PLXNA4: variants seen among roughly 807,000 people sequenced by gnomAD.
PLXNA4 encodes plexin A4, also known as plexin-A4.
PLXNA4 carries 44 observed loss-of-function variants against 191.8 expected under a neutral mutation model. The observed-to-expected ratio is 0.23, with a 90% CI of 0.18 to 0.29. The LOEUF (loss-of-function observed/expected upper bound fraction) is 0.29. Among genes scored for constraint, PLXNA4 ranks in the 10% least tolerant of loss-of-function variants. The pLI, the probability that PLXNA4 is intolerant of heterozygous loss-of-function variation, is 1.00. For missense variants in PLXNA4, 1,800 were observed against 2,488.8 expected (o/e 0.72, Z 5.89); for synonymous variants, 1,082 against 1,009.5 (o/e 1.07, Z -1.36).
chr7:132,608,180 T>TCACCATCAC (rs1802977534), intron 2 of PLXNA4, among the ~76,000 whole-genome samples: 6 of 152,132 alleles, frequency 3.9e-5, no homozygotes, highest in African/African-American at 1.4e-4. Context: ...CTCATCACTA[T>TCACCATCAC]CACCATCACC....
chr7:132,197,125 TC>T (rs1439744049), intron 13 of PLXNA4, among the ~76,000 whole-genome samples: 1 of 152,216 alleles, frequency 6.6e-6, no homozygotes, highest in Non-Finnish European at 1.5e-5. Context: ...TCGCACAAGT[TC>T]CCCTTCTTGA....
chr7:132,337,576 T>C (rs1039444274), intron 3 of PLXNA4, among the ~76,000 whole-genome samples: 2 of 152,330 alleles, frequency 1.3e-5, no homozygotes, highest in African/African-American at 4.8e-5. Flanking sequence ...TGCAGCACAT[T>C]AAGCCCATTT....
chr7:132,362,261 T>A (rs1167461370), intron 3 of PLXNA4, among the ~76,000 whole-genome samples: 1 of 152,134 alleles, frequency 6.6e-6, no homozygotes, highest in Non-Finnish European at 1.5e-5. Context: ...CAGGGAGGGA[T>A]CCTATTGATG....
chr7:132,591,109 G>A (rs1563188732), intron 2 of PLXNA4, among the ~76,000 whole-genome samples: 3 of 152,148 alleles, frequency 2.0e-5, no homozygotes, highest in South Asian at 2.1e-4. Flanking sequence ...AGGAGGCATG[G>A]GATCACTAAC....
chr7:132,274,584 T>A (rs1464660932), intron 4 of PLXNA4, among the ~76,000 whole-genome samples: 1 of 152,156 alleles, frequency 6.6e-6, no homozygotes, highest in Non-Finnish European at 1.5e-5. Context: ...ATCTCTCATT[T>A]CTACCAAGTC....
intron 3 of PLXNA4, among the ~76,000 whole-genome samples, chr7:132,427,222 C>T (rs1322323189): frequency 6.6e-6 from 1 of 152,218 alleles, no homozygotes; most frequent in African/African-American, 2.4e-5. Flanking sequence ...TCACCCCAGA[C>T]CTTAAAGCCT....
chr7:132,647,538 C>T (rs890307186), intron 1 of PLXNA4, among the ~76,000 whole-genome samples: 23 of 151,904 alleles, frequency 1.5e-4, no homozygotes, highest in Non-Finnish European at 1.5e-4. Context: ...CATATACACA[C>T]GTACACTCAC....
chr7:132,420,234 C>T (rs571773962), intron 3 of PLXNA4, among the ~76,000 whole-genome samples: 36 of 152,370 alleles, frequency 2.4e-4, no homozygotes, highest in African/African-American at 8.7e-4. Flanking sequence ...TTCCCCTGAA[C>T]TGTGTCCTCC....
chr7:132,230,629 C>T lies in PLXNA4; in HGVS notation c.1605-2160G>A, dbSNP rs878909954. Among the ~76,000 whole-genome samples the T allele has an allele frequency of 3.9e-5, 6 of 152,270 alleles. No individual in the cohort carries two copies. The South Asian group carries it at 6.2e-4, about 16-fold the overall frequency. On this transcript the variant is annotated intron_variant, in intron 5 of 31. Transcript: ENST00000321063. ...TTAATTTACCAGGCCAGCTCCTCTG[C>T]GAGGACTCCATTACCTTCAGCCATT...
chr7:132,224,088 C>T (rs1412941684), intron 8 of PLXNA4, among the ~76,000 whole-genome samples: 2 of 152,190 alleles, frequency 1.3e-5, no homozygotes, highest in African/African-American at 4.8e-5. Context: ...TGCTGTCTCA[C>T]TACGATGGCT....
intron 1 of PLXNA4, among the ~76,000 whole-genome samples, chr7:132,537,029 C>G (rs934844493): frequency 6.6e-6 from 1 of 152,156 alleles, no homozygotes; most frequent in African/African-American, 2.4e-5. Flanking sequence ...TAGAGAAGTC[C>G]GGGAAGCCTT....
At chr7:132,432,845 A>C (rs1218850391) in intron 3 of PLXNA4, among the ~76,000 whole-genome samples, 1 of 152,218 alleles carries the variant, frequency 6.6e-6, no homozygotes, top group African/African-American at 2.4e-5. Flanking sequence ...ACACCACTAG[A>C]AATGACATTG....
chr7:132,304,997 C>T (rs1381786491), intron 3 of PLXNA4, among the ~76,000 whole-genome samples: 1 of 152,210 alleles, frequency 6.6e-6, no homozygotes, highest in Admixed American at 6.5e-5. Context: ...CATGCCTTCT[C>T]TTCCCACACT....
At position 132,508,794 on chromosome 7, in the gene PLXNA4, G is replaced by A. The variant is rs1259507671; in HGVS notation, c.-86-15C>T. The stretch of plus-strand genomic sequence containing the variant: ...AGTCTCCCCTACTGGAGAAAGGGAA[G>A]ACAATGAGCTGGATAACAATGCCAG... On this transcript the variant is annotated splice_polypyrimidine_tract_variant and intron_variant, in intron 1 of 31. Coordinates refer to ENST00000321063, the MANE Select transcript of PLXNA4 (RefSeq NM_020911.2). This position sits in a 1 kb window ranked among gnomAD's most constrained non-coding sequence, Gnocchi z 4.4. 6.3e-6 allele frequency: 9 copies of A among 1,435,808 alleles called. No individual in the cohort carries two copies. The East Asian group carries it at 7.5e-5, about 12-fold the overall frequency. The allele number at this position is 1,435,808 out of a possible 1,614,324, so 88.9% of individuals were successfully genotyped here. A position where few individuals can be genotyped will look rare whatever the true frequency, so the allele number is the denominator to read the frequency against.
intron 3 of PLXNA4, among the ~76,000 whole-genome samples, chr7:132,306,227 C>T (rs1437180543): frequency 6.6e-6 from 1 of 152,148 alleles, no homozygotes; most frequent in Non-Finnish European, 1.5e-5. Flanking sequence ...GGAAGGAGAT[C>T]CCTTGCAACA....
At chr7:132,647,471 A>C (rs1803897938) in intron 1 of PLXNA4, among the ~76,000 whole-genome samples, 1 of 152,116 alleles carries the variant, frequency 6.6e-6, no homozygotes, top group South Asian at 2.1e-4. Context: ...AGTCACACAT[A>C]TACTCACATG....
rs537424391 is a variant in PLXNA4 at position 132,320,258 on chromosome 7, G to T, written c.1372-22036C>A. Among the ~76,000 whole-genome samples, 5 of 152,330 alleles carry T rather than the reference G, an allele frequency of 3.3e-5. No homozygotes were observed. In the South Asian group the frequency reaches 1.0e-3, roughly 32 times the overall value. On this transcript the variant is annotated intron_variant, in intron 3 of 31. Coordinates refer to ENST00000321063, the MANE Select transcript of PLXNA4 (RefSeq NM_020911.2). Reference sequence around the variant, plus strand: ...TTAGAAGTCTGGAATCAAGGGGCCGGTAGGGCTGAATCCTTCATTGCCTCT... The same window carrying T: ...TTAGAAGTCTGGAATCAAGGGGCCGTTAGGGCTGAATCCTTCATTGCCTCT...
At chr7:132,205,469 G>C (rs148281443) in intron 10 of PLXNA4, among the ~76,000 whole-genome samples, 2 of 152,280 alleles carry the variant, frequency 1.3e-5, no homozygotes, top group Non-Finnish European at 2.9e-5. Flanking sequence ...GGGTATAAGA[G>C]AGGGATGCCC....
chr7:132,197,155 C>G (rs905922769), intron 13 of PLXNA4, among the ~76,000 whole-genome samples: 10 of 152,094 alleles, frequency 6.6e-5, no homozygotes, highest in Non-Finnish European at 1.3e-4. Flanking sequence ...AAATTTCCAC[C>G]TGCATTTTCT....
Sources: gnomAD v4.1 joint callset for allele counts (sites outside exome capture counted in the v4.1 genomes callset) on GRCh38, gnomAD v4.1.1 for gene constraint, Gnocchi (gnomAD v3.1) non-coding constraint, MANE v1.5 for transcripts, NCBI Gene and HGNC (gene_info 2026-07-23, HGNC 2026-07-21) for gene names.